The following TNKS variants were observed in gnomAD, a reference collection of about 807,000 sequenced individuals.
TNKS encodes the protein tankyrase.
Under a neutral mutation model 135.8 loss-of-function variants are expected in TNKS, and 72 were observed. The ratio of observed to expected loss-of-function variants is 0.53; its 90% CI spans 0.44 to 0.64. The LOEUF (loss-of-function observed/expected upper bound fraction) is 0.64. TNKS is among the 30% of genes least tolerant of loss of function. TNKS has a pLI of 0.00. For synonymous variants in TNKS, 849 were observed against 649.3 expected (o/e 1.31, Z -4.68); for missense variants, 1,769 against 1,674.0 (o/e 1.06, Z -0.99).
Position 9,772,792 on chromosome 8 carries a change from AATGTGTGTGTGTGT to A in TNKS, c.3897+2531_3897+2544del, listed in dbSNP as rs1314459131. Among the ~76,000 whole-genome samples the A allele has an allele frequency of 2.2e-5, 3 of 133,464 alleles. No homozygotes were observed. The East Asian group carries it at 6.7e-4, about 30-fold the overall frequency. 87.6% of individuals were successfully genotyped at this position (133,464 alleles called of 152,430 possible). A position where few individuals can be genotyped will look rare whatever the true frequency, so the allele number is the denominator to read the frequency against. ...TATAACTTGTAAACGTTTTGGGGAGAATGTGTGTGTGTGTGTTTGTGTGTGTGTGTGTGTGTGTC... is the reference window on the plus strand; with the variant it reads ...TATAACTTGTAAACGTTTTGGGGAGAGTTTGTGTGTGTGTGTGTGTGTGTC... On this transcript the variant is annotated intron_variant, in intron 26 of 26. Coordinates refer to ENST00000310430, the MANE Select transcript of TNKS (RefSeq NM_003747.3).
At chr8:9,660,258 A>T (rs1394390308) in intron 3 of TNKS, among the ~76,000 whole-genome samples, 1 of 152,242 alleles carries the variant, frequency 6.6e-6, no homozygotes, top group Non-Finnish European at 1.5e-5. Flanking sequence ...TCATCCTGAT[A>T]CCAAAGCCTG....
chr8:9,556,799 G>A (rs1344763673), intron 1 of TNKS, 187 bp downstream of exon 1: 3 of 393,190 alleles, frequency 7.6e-6, no homozygotes, highest in South Asian at 2.3e-5. Context: ...GGTTGGGGGG[G>A]ATAAGTGAAT....
intron 1 of TNKS, chr8:9,557,288 A>T (rs1474162099): frequency 6.6e-6 from 1 of 152,230 alleles, no homozygotes; most frequent in Middle Eastern, 3.4e-3. Context: ...CAGTTTTCTC[A>T]TGGGCAAAAA....
In TNKS at chr8:9,778,508, T is replaced by C. The variant is rs903078907; in HGVS notation, c.*1772T>C. On this transcript the variant is annotated 3_prime_UTR_variant, in exon 27 of 27. Transcript: ENST00000310430. The stretch of plus-strand genomic sequence containing the variant: ...CTAGGCATCCAGACTAGTTTGAATG[T>C]TTGTAGCTGAATTTTTATGGGTCCT... 1 of 152,646 alleles carries C rather than the reference T, an allele frequency of 6.6e-6. No individual in the cohort carries two copies. The highest frequency in any genetic ancestry group is 1.5e-5 in the Non-Finnish European group (1 of 68,052). 9.5% of individuals were successfully genotyped at this position (152,646 alleles called of 1,614,324 possible). A position where few individuals can be genotyped will look rare whatever the true frequency, so the allele number is the denominator to read the frequency against.
At chr8:9,583,103 CTTGATGAGCTGAGA>C (rs943526533) in intron 2 of TNKS, among the ~76,000 whole-genome samples, 1 of 146,256 alleles carries the variant, frequency 6.8e-6, no homozygotes, top group African/African-American at 2.6e-5. Context: ...GGAGGCGGAG[CTTGATGAGCTGAGA>C]TTGCACCACT....
At chr8:9,756,508 T>G (rs1806839042) in intron 20 of TNKS, among the ~76,000 whole-genome samples, 1 of 151,926 alleles carries the variant, frequency 6.6e-6, no homozygotes. Context: ...TTCCTCAGTA[T>G]AATAACTAAG....
At chr8:9,717,010 C>G (rs1458228708) in intron 11 of TNKS, among the ~76,000 whole-genome samples, 1 of 143,292 alleles carries the variant, frequency 7.0e-6, no homozygotes, top group African/African-American at 2.6e-5. Flanking sequence ...TTTGTTATTT[C>G]TTAAGGCACG....
At chr8:9,775,454 T>C (rs1356109285) in intron 26 of TNKS, among the ~76,000 whole-genome samples, 2 of 109,520 alleles carry the variant, frequency 1.8e-5, no homozygotes, top group African/African-American at 6.8e-5. Flanking sequence ...ATATTATGAA[T>C]GGTTCTATAT....
chr8:9,606,444 G>T (rs73537959), intron 2 of TNKS, among the ~76,000 whole-genome samples: 1 of 151,930 alleles, frequency 6.6e-6, no homozygotes, highest in African/African-American at 2.4e-5. Flanking sequence ...TCTTATTCTA[G>T]TACTGCACTG....
At chr8:9,646,497 A>G (rs1800924848) in intron 3 of TNKS, among the ~76,000 whole-genome samples, 1 of 152,110 alleles carries the variant, frequency 6.6e-6, no homozygotes. Flanking sequence ...TCATTTTTAT[A>G]CAGAGAAGTT....
intron 5 of TNKS, among the ~76,000 whole-genome samples, chr8:9,686,474 A>G (rs2128799752): frequency 6.6e-6 from 1 of 152,302 alleles, no homozygotes; most frequent in East Asian, 1.9e-4. Flanking sequence ...TTTGTTATGT[A>G]GTAATAGATA....
intron 5 of TNKS, among the ~76,000 whole-genome samples, chr8:9,685,705 A>C (rs1802962795): frequency 6.6e-6 from 1 of 152,200 alleles, no homozygotes; most frequent in African/African-American, 2.4e-5. Context: ...TTTAATAAAT[A>C]AATTTGTCTA....
At chr8:9,753,331 G>A (rs1373795553) in intron 20 of TNKS, among the ~76,000 whole-genome samples, 1 of 152,164 alleles carries the variant, frequency 6.6e-6, no homozygotes, top group Non-Finnish European at 1.5e-5. Context: ...GTAGTACTTA[G>A]ACAACTGCAC....
chr8:9,682,242 C>T (rs555576940), intron 5 of TNKS, among the ~76,000 whole-genome samples: 6 of 152,202 alleles, frequency 3.9e-5, no homozygotes, highest in East Asian at 1.9e-4. Flanking sequence ...GCCCGGCCTA[C>T]GTCACTTTTC....
intron 1 of TNKS, chr8:9,575,423 A>G (rs774497728): frequency 4.1e-6 from 4 of 985,228 alleles, no homozygotes; most frequent in Admixed American, 6.1e-5. Context: ...ACCCTACTAG[A>G]TATCTAGACT....
Position 9,595,275 on chromosome 8 carries a change from T to G in TNKS, c.898+14892T>G, listed in dbSNP as rs75875246. On this transcript the variant is annotated intron_variant, in intron 2 of 26. Transcript: ENST00000310430. ...AGCTAGGATTACAGGCACCCTTGAA[T>G]TGGGATCTTTTAAACAAGTCTCAGT... Among the ~76,000 whole-genome samples the G allele has an allele frequency of 2.6e-5, 4 of 152,066 alleles. No homozygotes were observed. In the East Asian group the frequency reaches 7.7e-4, roughly 29 times the overall value.
In TNKS at chr8:9,680,969, T is replaced by C. The variant is rs1802758091; in HGVS notation, c.1107+169T>C. ...GTTATTGGCAGTTGTGACACATTCA[T>C]AGAACTGGTGAAGCATGGATCTTAA... On this transcript the variant is annotated intron_variant, in intron 5 of 26. Transcript: ENST00000310430. 8 of 485,350 alleles carry C rather than the reference T, an allele frequency of 1.6e-5. No homozygotes were observed. The South Asian group carries it at 2.9e-4, about 18-fold the overall frequency. 30.1% of individuals were successfully genotyped at this position (485,350 alleles called of 1,614,324 possible).
At position 9,720,080 on chromosome 8, in the gene TNKS, C is replaced by G. The variant is rs865969910; in HGVS notation, c.1750-294C>G. ...GTAAATACCAGACCAGAGTTGCTGC[C>G]TCCATAGACCAGTCTAGTCGTCGAA... On this transcript the variant is annotated intron_variant, in intron 11 of 26. Coordinates refer to ENST00000310430, the MANE Select transcript of TNKS (RefSeq NM_003747.3). Among the ~76,000 whole-genome samples, 15 of 152,166 alleles carry G rather than the reference C, an allele frequency of 9.9e-5. 1 individual carries two copies. The Middle Eastern group carries it at 0.014, about 138-fold the overall frequency.
intron 3 of TNKS, among the ~76,000 whole-genome samples, chr8:9,624,488 A>G (rs1799983548): frequency 1.3e-5 from 2 of 152,148 alleles, no homozygotes; most frequent in Non-Finnish European, 2.9e-5. Context: ...AGTCCCTTGT[A>G]CCCTTTTCCT....
Sources: gnomAD v4.1 joint callset for allele counts (sites outside exome capture counted in the v4.1 genomes callset) on GRCh38, gnomAD v4.1.1 for gene constraint, MANE v1.5 for transcripts, NCBI Gene and HGNC (gene_info 2026-07-23, HGNC 2026-07-21) for gene names.